The following SH3D19 variants were observed in gnomAD, a reference collection of about 807,000 sequenced individuals.
SH3D19 encodes the protein SH3 domain-containing protein 19.
In SH3D19, 58 loss-of-function variants were observed where a neutral mutation model predicts 112.1. The observed-to-expected ratio is 0.52, with a 90% CI of 0.42 to 0.64. SH3D19 has a LOEUF of 0.64. Ranked by LOEUF, SH3D19 falls within the 30% of genes least tolerant of loss-of-function variation. SH3D19 has a pLI of 0.00. For missense variants in SH3D19, 1,090 were observed against 1,263.4 expected, an observed-to-expected ratio of 0.86 and a Z score of 2.08; for synonymous variants, 391 against 448.5, an observed-to-expected ratio of 0.87 and a Z score of 1.62.
intron 1 of SH3D19, among the ~76,000 whole-genome samples, chr4:151,313,785 T>C (rs1729728962): frequency 6.6e-6 from 1 of 152,116 alleles, no homozygotes; most frequent in Non-Finnish European, 1.5e-5. Context: ...TGAGCTAGCC[T>C]ATATGTTGAG....
At chr4:151,145,456 T>C (rs981952727) in intron 11 of SH3D19, among the ~76,000 whole-genome samples, 8 of 152,240 alleles carry the variant, frequency 5.3e-5, no homozygotes, top group African/African-American at 1.9e-4. Context: ...CTCCCTACCC[T>C]GCACCTTGTG....
At chr4:151,133,629 T>G (rs1751214246) in intron 15 of SH3D19, among the ~76,000 whole-genome samples, 1 of 152,174 alleles carries the variant, frequency 6.6e-6, no homozygotes, top group East Asian at 1.9e-4. Flanking sequence ...GGGCAATTAA[T>G]CAAATTTTCT....
intron 1 of SH3D19, among the ~76,000 whole-genome samples, chr4:151,229,065 T>C (rs1324799812): frequency 7.3e-6 from 1 of 137,262 alleles, no homozygotes; most frequent in Non-Finnish European, 1.6e-5. Context: ...AGAGACAGGG[T>C]CTCCCTATTT....
At chr4:151,160,087 C>CTTTT (rs1203320024) in intron 8 of SH3D19, among the ~76,000 whole-genome samples, 2 of 137,542 alleles carry the variant, frequency 1.5e-5, no homozygotes, top group African/African-American at 2.7e-5. Context: ...TGTTTTATTT[C>CTTTT]TTTTTTTTTT....
chr4:151,204,956 G>T (rs1680068966), intron 2 of SH3D19, among the ~76,000 whole-genome samples: 2 of 151,946 alleles, frequency 1.3e-5, no homozygotes, highest in Admixed American at 6.6e-5. Flanking sequence ...GAGTAGCCGG[G>T]ATTACAGGTG....
chr4:151,192,223 C>T (rs1052819260), intron 2 of SH3D19, among the ~76,000 whole-genome samples: 4 of 152,186 alleles, frequency 2.6e-5, no homozygotes, highest in Admixed American at 2.6e-4. Flanking sequence ...AGGCGTGAGC[C>T]ACCGCGCCCG....
At chr4:151,225,186 A>G (rs1029172633) in intron 2 of SH3D19, among the ~76,000 whole-genome samples, 1 of 152,218 alleles carries the variant, frequency 6.6e-6, no homozygotes, top group South Asian at 2.1e-4. Flanking sequence ...AAGCACCAGG[A>G]TTTGGCTTAC....
chr4:151,198,304 CAA>C (rs1231227871), intron 2 of SH3D19, among the ~76,000 whole-genome samples: 48 of 46,106 alleles, frequency 1.0e-3, no homozygotes, highest in East Asian at 2.1e-3. Context: ...GACTCTGTCT[CAA>C]AAAAAAAAAA....
intron 1 of SH3D19, among the ~76,000 whole-genome samples, chr4:151,297,722 G>C (rs1182897022): frequency 6.6e-6 from 1 of 152,218 alleles, no homozygotes; most frequent in Non-Finnish European, 1.5e-5. Context: ...AAATCAAATG[G>C]TAGGCTAAAC....
At chr4:151,238,886 CCT>C (rs1202747082) in intron 1 of SH3D19, among the ~76,000 whole-genome samples, 6 of 152,134 alleles carry the variant, frequency 3.9e-5, no homozygotes, top group Non-Finnish European at 5.9e-5. Flanking sequence ...CAAGCCCACC[CCT>C]GTCCTTCCTC....
chr4:151,308,891 C>T (rs773114827), intron 1 of SH3D19, among the ~76,000 whole-genome samples: 17 of 151,852 alleles, frequency 1.1e-4, no homozygotes, highest in African/African-American at 1.5e-4. Flanking sequence ...TTTTTTTAGA[C>T]GTCTTGCTCT....
rs557418204 is a variant in SH3D19 at position 151,222,573 on chromosome 4, A to G, written c.152+3474T>C. Among the ~76,000 whole-genome samples, 431 of 149,872 alleles carry G rather than the reference A, an allele frequency of 2.9e-3. 2 individuals are homozygous for G. The highest frequency in any genetic ancestry group is 5.1e-3 in the Non-Finnish European group (342 of 67,426). On this transcript the variant is annotated intron_variant, in intron 2 of 19. Transcript: ENST00000604030. Reference sequence around the variant, plus strand: ...CCATGTTTAAATTATCCCCTCCCCAACCTTTTTTAAAGTTGGGATTTTTTA... The same window carrying G: ...CCATGTTTAAATTATCCCCTCCCCAGCCTTTTTTAAAGTTGGGATTTTTTA...
At chr4:151,237,187 C>T (rs779314739) in intron 1 of SH3D19, among the ~76,000 whole-genome samples, 24 of 152,110 alleles carry the variant, frequency 1.6e-4, no homozygotes, top group Non-Finnish European at 2.5e-4. Flanking sequence ...CTGGACACGC[C>T]GCCTTTAAGA....
At chr4:151,298,342 T>A (rs988315610) in intron 1 of SH3D19, among the ~76,000 whole-genome samples, 1 of 152,010 alleles carries the variant, frequency 6.6e-6, no homozygotes, top group African/African-American at 2.4e-5. Flanking sequence ...CATGCCCAGC[T>A]AATTTTTGTA....
At chr4:151,230,891 T>A (rs1340260358) in intron 1 of SH3D19, among the ~76,000 whole-genome samples, 1 of 152,182 alleles carries the variant, frequency 6.6e-6, no homozygotes, top group Admixed American at 6.6e-5. Context: ...AGTGTCCATC[T>A]TATATCTCAT....
Position 151,279,796 on chromosome 4 carries a change from T to A in SH3D19, c.112+45445A>T, listed in dbSNP as rs778862552. On this transcript the variant is annotated intron_variant, in intron 1 of 19. Transcript: ENST00000604030. ...ATTTCCCTTTCTTCTCTTTCTCTAG[T>A]GTGTGGGCAACCTGTATACTCCAGC... 3.7e-6 allele frequency: 6 copies of A among 1,613,762 alleles called. No individual in the cohort carries two copies. The highest frequency in any genetic ancestry group is 5.1e-6 in the Non-Finnish European group (6 of 1,179,764).
In SH3D19 at chr4:151,257,346, C is replaced by A. The variant is rs1208939035; in HGVS notation, c.113-31260G>T. Reference sequence around the variant, plus strand: ...CAGGTGATCCACCCGCCTTAGCCTCCCAAAGTTCTGGGATTACAGGAGTGA... The same window carrying A: ...CAGGTGATCCACCCGCCTTAGCCTCACAAAGTTCTGGGATTACAGGAGTGA... On this transcript the variant is annotated intron_variant, in intron 1 of 19. Coordinates refer to ENST00000604030, the MANE Select transcript of SH3D19 (RefSeq NM_001378122.1). Among the ~76,000 whole-genome samples, 3 of 152,230 alleles carry A rather than the reference C, an allele frequency of 2.0e-5. No homozygotes were observed. The East Asian group carries it at 5.8e-4, about 29-fold the overall frequency.
At chr4:151,243,543 A>G (rs1026993690) in intron 1 of SH3D19, among the ~76,000 whole-genome samples, 5 of 152,236 alleles carry the variant, frequency 3.3e-5, no homozygotes, top group East Asian at 3.8e-4. Flanking sequence ...TTAAGTGTTT[A>G]TATTATGTTG....
chr4:151,299,867 C>A (rs1184997270), intron 1 of SH3D19, among the ~76,000 whole-genome samples: 1 of 152,062 alleles, frequency 6.6e-6, no homozygotes, highest in African/African-American at 2.4e-5. Flanking sequence ...CCAAAATAGC[C>A]CTATTTTAAA....
Sources: gnomAD v4.1 joint callset for allele counts (sites outside exome capture counted in the v4.1 genomes callset) on GRCh38, gnomAD v4.1.1 for gene constraint, MANE v1.5 for transcripts, NCBI Gene and HGNC (gene_info 2026-07-23, HGNC 2026-07-21) for gene names.